The following KCNB2 variants were observed in gnomAD, a reference collection of about 807,000 sequenced individuals.
KCNB2 encodes the protein delayed rectifier potassium channel protein.
KCNB2 carries 15 observed loss-of-function variants against 61.5 expected under a neutral mutation model. That is an observed-to-expected ratio of 0.24 (90% CI 0.16 to 0.38). The LOEUF is 0.38. Ranked by LOEUF, KCNB2 falls within the 10% of genes least tolerant of loss-of-function variation. KCNB2 has a pLI of 1.00. For missense variants in KCNB2, 828 were observed against 1,125.2 expected, an observed-to-expected ratio of 0.74 and a Z score of 3.78; for synonymous variants, 457 against 446.0, an observed-to-expected ratio of 1.02 and a Z score of -0.31.
chr8:72,594,731 C>T (rs1231216328), intron 2 of KCNB2, among the ~76,000 whole-genome samples: 1 of 152,230 alleles, frequency 6.6e-6, no homozygotes, highest in African/African-American at 2.4e-5. Flanking sequence ...GTACAGATGC[C>T]CCTCATCCCT....
intron 2 of KCNB2, among the ~76,000 whole-genome samples, chr8:72,588,304 C>T (rs2128981169): frequency 6.6e-6 from 1 of 151,600 alleles, no homozygotes; most frequent in East Asian, 1.9e-4. Flanking sequence ...CCGCATCCTC[C>T]CCATCCCAGG....
chr8:72,547,821 T>G (rs1354839353), intron 1 of KCNB2, among the ~76,000 whole-genome samples: 1 of 152,206 alleles, frequency 6.6e-6, no homozygotes, highest in Non-Finnish European at 1.5e-5. Context: ...AAACAAGATT[T>G]GAGATGATTG....
chr8:72,837,632 A>G (rs1809803043), intron 2 of KCNB2, among the ~76,000 whole-genome samples: 3 of 152,216 alleles, frequency 2.0e-5, no homozygotes, highest in African/African-American at 7.2e-5. Flanking sequence ...TTTAGGAAAT[A>G]AAGAAAATAA....
At chr8:72,681,806 C>G (rs1806762057) in intron 2 of KCNB2, among the ~76,000 whole-genome samples, 1 of 152,080 alleles carries the variant, frequency 6.6e-6, no homozygotes, top group Non-Finnish European at 1.5e-5. Flanking sequence ...TACAATGTCA[C>G]TAGGTGATAG....
Position 72,719,206 on chromosome 8 carries a change from T to C in KCNB2, c.579+150893T>C, listed in dbSNP as rs191306686. 1.2e-3 allele frequency among the ~76,000 whole-genome samples: 176 copies of C among 152,246 alleles called. 5 individuals are homozygous for C. In the East Asian group the frequency reaches 0.026, roughly 23 times the overall value. On this transcript the variant is annotated intron_variant, in intron 2 of 2. Coordinates refer to ENST00000523207, the MANE Select transcript of KCNB2 (RefSeq NM_004770.3). ...CTCTAATCACTGTTTTAAACTCCTTTTGATATTTCCCTCGACCTGCACATA... is the reference window on the plus strand; with the variant it reads ...CTCTAATCACTGTTTTAAACTCCTTCTGATATTTCCCTCGACCTGCACATA...
At chr8:72,841,372 C>CTTTTTTTTTTTTTTT (rs769263287) in intron 2 of KCNB2, among the ~76,000 whole-genome samples, 21 of 34,220 alleles carry the variant, frequency 6.1e-4, no homozygotes, top group African/African-American at 1.4e-3. Context: ...TTTTTTTTTT[C>CTTTTTTTTTTTTTTT]TTTTTTTTTT....
intron 2 of KCNB2, among the ~76,000 whole-genome samples, chr8:72,662,420 C>T (rs998467075): frequency 6.6e-6 from 1 of 152,084 alleles, no homozygotes; most frequent in African/African-American, 2.4e-5. Context: ...CTCCACATCA[C>T]GAAATACCTA....
intron 2 of KCNB2, among the ~76,000 whole-genome samples, chr8:72,577,095 T>A (rs117537387): frequency 4.6e-5 from 7 of 152,346 alleles, no homozygotes; most frequent in Non-Finnish European, 1.0e-4. Context: ...AATGAATGTA[T>A]TTTTCCACTT....
At chr8:72,712,620 C>T (rs577049660) in intron 2 of KCNB2, among the ~76,000 whole-genome samples, 26 of 152,294 alleles carry the variant, frequency 1.7e-4, no homozygotes, top group East Asian at 5.8e-4. Context: ...CATTTAATAA[C>T]GACTTTGTCA....
rs200736806 is a variant in KCNB2 at position 72,737,031 on chromosome 8, AT to A, written c.579+168730del. Among the ~76,000 whole-genome samples, 344 of 143,196 alleles carry A rather than the reference AT, an allele frequency of 2.4e-3. 2 individuals carry two copies. Among genetic ancestry groups the A allele is most frequent in the South Asian group, 9.1e-3 (41 of 4,512 alleles). The allele number at this position is 143,196 out of a possible 152,430, so 93.9% of individuals were successfully genotyped here. On this transcript the variant is annotated intron_variant, in intron 2 of 2. Transcript: ENST00000523207. ...TGTGCAGCATTGAAATGTAGTTGCT[AT>A]TTTTTTTTTTTGCTCTTTTGTTATG...
chr8:72,935,365 A>T (rs1806878713), intron 2 of KCNB2, among the ~76,000 whole-genome samples: 2 of 152,188 alleles, frequency 1.3e-5, no homozygotes, highest in Admixed American at 1.3e-4. Flanking sequence ...CCAGAAGTCC[A>T]CACATCTGAG....
chr8:72,570,720 G>A lies in KCNB2; in HGVS notation c.579+2407G>A, dbSNP rs184838107. On this transcript the variant is annotated intron_variant, in intron 2 of 2. Transcript: ENST00000523207. ...CCTCACTATTTACTTTATTGTATGG[G>A]TACATCAGGCTATTTTCTATGTTGT... Among the ~76,000 whole-genome samples the A allele has an allele frequency of 5.4e-3, 826 of 152,198 alleles. 5 individuals are homozygous for A. Among genetic ancestry groups the A allele is most frequent in the Non-Finnish European group, 5.2e-3 (352 of 67,984 alleles).
chr8:72,851,826 GAAAAAAAAA>G lies in KCNB2; in HGVS notation c.580-84095_580-84087del, dbSNP rs55696554. 1.1e-4 allele frequency among the ~76,000 whole-genome samples: 5 copies of G among 43,868 alleles called. 1 individual carries two copies. The highest frequency in any genetic ancestry group is 4.2e-4 in the Admixed American group (1 of 2,374). The allele number at this position is 43,868 out of a possible 152,430, so 28.8% of individuals were successfully genotyped here. On this transcript the variant is annotated intron_variant, in intron 2 of 2. Transcript: ENST00000523207. ...TTTTTTTTTAATGTAGAAGCTGTAGGAAAAAAAAAAAAAAAAAAAAAACACGTACTGCTG... is the reference window on the plus strand; with the variant it reads ...TTTTTTTTTAATGTAGAAGCTGTAGGAAAAAAAAAAAAACACGTACTGCTG...
chr8:72,703,057 A>G (rs945857942), intron 2 of KCNB2, among the ~76,000 whole-genome samples: 1 of 152,224 alleles, frequency 6.6e-6, no homozygotes, highest in African/African-American at 2.4e-5. Context: ...TGCTGGAGCA[A>G]CAATTGAGAG....
chr8:72,608,118 G>A (rs1026054014), intron 2 of KCNB2, among the ~76,000 whole-genome samples: 6 of 152,170 alleles, frequency 3.9e-5, no homozygotes, highest in African/African-American at 1.4e-4. Flanking sequence ...TCAAAGTAGA[G>A]TGATGTGATA....
chr8:72,825,836 G>A (rs541558448), intron 2 of KCNB2, among the ~76,000 whole-genome samples: 1 of 152,092 alleles, frequency 6.6e-6, no homozygotes, highest in African/African-American at 2.4e-5. Context: ...ATATTCTCCT[G>A]CTCCATGGGT....
rs561122852 is a variant in KCNB2 at position 72,591,196 on chromosome 8, A to G, written c.579+22883A>G. On this transcript the variant is annotated intron_variant, in intron 2 of 2. Transcript: ENST00000523207. ...CCCAATGCTAAGACACTTTATATTC[A>G]GTTGATCTAGTTTCTTAGGCATTCG... 2.0e-3 allele frequency among the ~76,000 whole-genome samples: 297 copies of G among 152,220 alleles called. 1 individual carries two copies. Among genetic ancestry groups the G allele is most frequent in the South Asian group, 5.6e-3 (27 of 4,824 alleles).
intron 2 of KCNB2, among the ~76,000 whole-genome samples, chr8:72,848,142 T>C (rs1485004418): frequency 6.6e-6 from 1 of 152,214 alleles, no homozygotes; most frequent in Non-Finnish European, 1.5e-5. Flanking sequence ...AGGCCCAATT[T>C]GCATTTGGAA....
chr8:72,598,586 G>A (rs1396632992), intron 2 of KCNB2, among the ~76,000 whole-genome samples: 1 of 152,138 alleles, frequency 6.6e-6, no homozygotes, highest in Non-Finnish European at 1.5e-5. Context: ...ACATAGTGTT[G>A]GAAGTTCTGG....
Sources: allele counts gnomAD v4.1 joint callset (sites outside exome capture counted in the v4.1 genomes callset), GRCh38; gene constraint gnomAD v4.1.1; transcripts MANE v1.5; gene names NCBI Gene and HGNC (gene_info 2026-07-23, HGNC 2026-07-21).